NXN: variants seen among roughly 807,000 people sequenced by gnomAD.
The protein encoded by NXN is nucleoredoxin.
A neutral mutation model predicts 48.6 loss-of-function variants in NXN; 16 were observed. The ratio of observed to expected loss-of-function variants is 0.33; its 90% confidence interval spans 0.22 to 0.50. The LOEUF (loss-of-function observed/expected upper bound fraction) is 0.50. Ranked by LOEUF, NXN falls within the 20% of genes least tolerant of loss-of-function variation. The pLI is 0.98. For synonymous variants in NXN, 281 were observed against 269.6 expected, an observed-to-expected ratio of 1.04 and a Z score of -0.41; for missense variants, 492 against 605.5, an observed-to-expected ratio of 0.81 and a Z score of 1.97.
At chr17:884,169 T>G (rs1392986557) in intron 1 of NXN, among the ~76,000 whole-genome samples, 3 of 151,912 alleles carry the variant, frequency 2.0e-5, no homozygotes, top group Non-Finnish European at 4.4e-5. Context: ...TGCAGTGAGC[T>G]GAGATTGCAC....
At chr17:811,654 C>T (rs898466405) in intron 5 of NXN, among the ~76,000 whole-genome samples, 4 of 152,138 alleles carry the variant, frequency 2.6e-5, no homozygotes, top group South Asian at 2.1e-4. Flanking sequence ...CGAAGGAAGC[C>T]GGTGGCCAGC....
intron 1 of NXN, among the ~76,000 whole-genome samples, chr17:839,303 C>T (rs1914005543): frequency 6.6e-6 from 1 of 151,910 alleles, no homozygotes; most frequent in Non-Finnish European, 1.5e-5. Flanking sequence ...GTCTTGGTGG[C>T]AGGTGCCTGT....
At chr17:906,005 G>C (rs1275755684) in intron 1 of NXN, among the ~76,000 whole-genome samples, 1 of 150,634 alleles carries the variant, frequency 6.6e-6, no homozygotes, top group Non-Finnish European at 1.5e-5. Context: ...AAGGTAAAAA[G>C]GTACAGGTGA....
intron 1 of NXN, among the ~76,000 whole-genome samples, chr17:944,761 C>G (rs1288587934): frequency 1.3e-5 from 2 of 152,130 alleles, no homozygotes; most frequent in Non-Finnish European, 2.9e-5. Context: ...ATCCCTCACT[C>G]TTGGAAATTA....
rs73975574 is a variant in NXN at position 852,443 on chromosome 17, C to T, written c.361-26365G>A. 3.8e-3 allele frequency among the ~76,000 whole-genome samples: 580 copies of T among 152,328 alleles called. 5 individuals carry two copies. Among genetic ancestry groups the T allele is most frequent in the African/African-American group, 0.013 (556 of 41,578 alleles). On this transcript the variant is annotated intron_variant, in intron 1 of 7. Transcript: ENST00000336868. ...AACCCTGTTTTCTCTCTCCTTTCTA[C>T]CTCCAGAAAAAGTCAGGATGGATTA...
intron 1 of NXN, chr17:897,088 C>T: frequency 2.9e-6 from 3 of 1,046,828 alleles, no homozygotes; most frequent in Non-Finnish European, 3.5e-6. Flanking sequence ...GACTGGTAAC[C>T]CACGGCCACC....
intron 1 of NXN, among the ~76,000 whole-genome samples, chr17:940,259 T>C (rs1447983703): frequency 1.3e-5 from 2 of 151,674 alleles, no homozygotes; most frequent in African/African-American, 4.8e-5. Context: ...TTTTGGTCTC[T>C]TTCTCCCCCT....
intron 5 of NXN, among the ~76,000 whole-genome samples, chr17:805,746 G>A (rs1911459426): frequency 1.3e-5 from 2 of 152,168 alleles, no homozygotes; most frequent in South Asian, 2.1e-4. Flanking sequence ...GCTGAGGCAG[G>A]AGAATCGCTC....
At chr17:960,855 G>A (rs1356653870) in intron 1 of NXN, among the ~76,000 whole-genome samples, 5 of 146,492 alleles carry the variant, frequency 3.4e-5, no homozygotes, top group South Asian at 2.2e-4. Flanking sequence ...GCGCAATCTC[G>A]GCTCACTGCA....
chr17:802,618 G>A (rs1159125645), intron 7 of NXN, among the ~76,000 whole-genome samples: 6 of 152,188 alleles, frequency 3.9e-5, no homozygotes, highest in Non-Finnish European at 7.3e-5. Flanking sequence ...TGCATGCCGC[G>A]CAGCCTCCCT....
At chr17:963,818 C>G (rs982926232) in intron 1 of NXN, among the ~76,000 whole-genome samples, 1 of 152,080 alleles carries the variant, frequency 6.6e-6, no homozygotes, top group Non-Finnish European at 1.5e-5. Flanking sequence ...TGGCTCACGC[C>G]TGTCATCCCA....
intron 1 of NXN, among the ~76,000 whole-genome samples, chr17:841,650 G>GCATCTCACA (rs1555612883): frequency 6.9e-6 from 1 of 144,222 alleles, no homozygotes; most frequent in African/African-American, 2.6e-5. Flanking sequence ...CCTGACCACA[G>GCATCTCACA]CGCATCTCAC....
chr17:876,642 G>A (rs1251475387), intron 1 of NXN, among the ~76,000 whole-genome samples: 2 of 152,166 alleles, frequency 1.3e-5, no homozygotes, highest in East Asian at 1.9e-4. Flanking sequence ...AGTGTCGTTC[G>A]CTGATAATTA....
intron 1 of NXN, among the ~76,000 whole-genome samples, chr17:905,929 A>G (rs752918562): frequency 2.0e-5 from 3 of 151,618 alleles, no homozygotes; most frequent in Non-Finnish European, 2.9e-5. Flanking sequence ...GTGAGCCACA[A>G]TCGTGCCATT....
chr17:947,986 G>C (rs1184232031), intron 1 of NXN, among the ~76,000 whole-genome samples: 1 of 151,958 alleles, frequency 6.6e-6, no homozygotes, highest in South Asian at 2.1e-4. Context: ...GGGAGGCGGA[G>C]GTTGCAGTGA....
At chr17:819,760 CTAAGACGCCAG>C (rs1174645877) in intron 4 of NXN, among the ~76,000 whole-genome samples, 1 of 152,120 alleles carries the variant, frequency 6.6e-6, no homozygotes, top group Non-Finnish European at 1.5e-5. Flanking sequence ...TGGGTGCCGG[CTAAGACGCCAG>C]CCCACTTCAG....
intron 1 of NXN, among the ~76,000 whole-genome samples, chr17:895,449 A>C (rs559122755): frequency 1.3e-5 from 2 of 152,270 alleles, no homozygotes; most frequent in South Asian, 4.2e-4. Context: ...GCCATGACAC[A>C]GCTGGGTATG....
intron 1 of NXN, among the ~76,000 whole-genome samples, chr17:883,956 C>T (rs574492438): frequency 5.3e-5 from 8 of 152,298 alleles, no homozygotes; most frequent in Middle Eastern, 3.4e-3. Context: ...CGGTGGCTCA[C>T]GCCTGTCATC....
rs34471469 is a variant in NXN, at chr17:825,221, GAAAAAAAAAA to G, written c.478+730_478+739del. 8.3e-6 allele frequency among the ~76,000 whole-genome samples: 1 copy of G among 120,996 alleles called. No homozygotes were observed. The highest frequency in any genetic ancestry group is 2.8e-5 in the African/African-American group (1 of 35,254). The allele number at this position is 120,996 out of a possible 152,430, so 79.4% of individuals were successfully genotyped here. ...GACAGAGGGAGATAGTGTCTCAAGA[GAAAAAAAAAA>G]AAAAAAAAGAAAAGCTTCACGCTTG... On this transcript the variant is annotated intron_variant, in intron 2 of 7. Transcript: ENST00000336868. The surrounding 1 kb of genome is among the most constrained non-coding windows in gnomAD (Gnocchi z 4.1).
Sources: allele counts gnomAD v4.1 joint callset (sites outside exome capture counted in the v4.1 genomes callset), GRCh38; gene constraint gnomAD v4.1.1; non-coding constraint Gnocchi (gnomAD v3.1); transcripts MANE v1.5; gene names NCBI Gene and HGNC (gene_info 2026-07-23, HGNC 2026-07-21).